The following CD276 variants were observed in gnomAD, a reference collection of about 807,000 sequenced individuals.
CD276 encodes CD276 molecule.
In CD276, 34 loss-of-function variants were observed where a neutral mutation model predicts 50.0. The observed-to-expected ratio is 0.68, with a 90% confidence interval of 0.52 to 0.91. The LOEUF is 0.91. Among genes scored for constraint, CD276 ranks in the 40% least tolerant of loss-of-function variants. The pLI is 0.00. For synonymous variants in CD276, 275 were observed against 313.0 expected (o/e 0.88, Z 1.28); for missense variants, 634 against 717.5 (o/e 0.88, Z 1.33).
At chr15:73,703,213 AAAGAT>A in intron 4 of CD276, 127 bp downstream of exon 4, 1 of 1,152,806 alleles carries the variant, frequency 8.7e-7, no homozygotes, top group Non-Finnish European at 1.2e-6. Flanking sequence ...TGATAGGGAG[AAAGAT>A]AACGGGGAGG....
Position 73,699,614 on chromosome 15 carries a change from C to A in CD276, c.-26C>A. On this transcript the variant is annotated 5_prime_UTR_variant, in exon 2 of 10. Coordinates refer to ENST00000318443, the MANE Select transcript of CD276 (RefSeq NM_001024736.2). ...GGGGCAGCCTTCCACCACGGGGAGC[C>A]CAGCTGTCAGCCGCCTCACAGGAAG... 1.2e-6 allele frequency: 2 copies of A among 1,611,918 alleles called. No individual in the cohort carries two copies. The highest frequency in any genetic ancestry group is 1.1e-5 in the South Asian group (1 of 90,650).
intron 7 of CD276, 139 bp downstream of exon 7, chr15:73,708,612 T>C (rs1297805310): frequency 1.0e-6 from 1 of 986,878 alleles, no homozygotes; most frequent in Non-Finnish European, 1.5e-6. Context: ...GATTTGTCTG[T>C]GTGTGACCTT....
chr15:73,712,773 C>T lies in CD276; in HGVS notation c.1583-161C>T, dbSNP rs184938052. ...GCATCTGTGTCTGGGCCTCCAGGGCCGTGGTCAGCACGGGGGCTGTCCGTT... is the reference window on the plus strand; with the variant it reads ...GCATCTGTGTCTGGGCCTCCAGGGCTGTGGTCAGCACGGGGGCTGTCCGTT... On this transcript the variant is annotated intron_variant, in intron 9 of 9. Coordinates refer to ENST00000318443, the MANE Select transcript of CD276 (RefSeq NM_001024736.2). Among the ~76,000 whole-genome samples, 623 of 152,314 alleles carry T rather than the reference C, an allele frequency of 4.1e-3. 6 individuals are homozygous for T. The highest frequency in any genetic ancestry group is 0.014 in the African/African-American group (593 of 41,572).
intron 1 of CD276, among the ~76,000 whole-genome samples, chr15:73,688,571 A>G (rs1899856735): frequency 1.3e-5 from 2 of 152,210 alleles, no homozygotes; most frequent in African/African-American, 4.8e-5. Flanking sequence ...GATTCCATTC[A>G]ATAAGTGAGG....
Position 73,704,264 on chromosome 15 carries a change from G to C in CD276, c.1161G>C (p.Arg387=). The C allele has an allele frequency of 6.2e-7, 1 of 1,614,150 alleles. No homozygotes were observed. The highest frequency in any genetic ancestry group is 8.5e-7 in the Non-Finnish European group (1 of 1,180,040). Reference sequence around the variant, plus strand: ...TGACCATCACGTGCTCCAGCTACCGGGGCTACCCTGAGGCTGAGGTGTTCT... The same window carrying C: ...TGACCATCACGTGCTCCAGCTACCGCGGCTACCCTGAGGCTGAGGTGTTCT... ...DTVTITCSSY[R]GYPEAEVFWQ... is the part of the protein sequence containing the mutation. Residue 387 remains arginine, a synonymous_variant, in exon 6 of 10, where the codon CGG becomes CGC. Transcript: ENST00000318443. This position sits in a 1 kb window ranked among gnomAD's most constrained non-coding sequence, Gnocchi z 4.1.
intron 1 of CD276, among the ~76,000 whole-genome samples, chr15:73,696,214 A>G (rs555315008): frequency 6.6e-6 from 1 of 152,318 alleles, no homozygotes; most frequent in African/African-American, 2.4e-5. Context: ...GACGGGTGGC[A>G]CATGCTGACT....
In CD276 at chr15:73,712,959, A is replaced by T; in HGVS notation, c.*3A>T. 1 of 1,613,782 alleles carries T rather than the reference A, an allele frequency of 6.2e-7. No individual in the cohort carries two copies. Among genetic ancestry groups the T allele is most frequent in the Non-Finnish European group, 8.5e-7 (1 of 1,179,796 alleles). ...ATGATGGACAAGAAATAGCCTGACC[A>T]TGAGGACCAGGGAGCTGCTACCCCT... On this transcript the variant is annotated 3_prime_UTR_variant, in exon 10 of 10. Coordinates refer to ENST00000318443, the MANE Select transcript of CD276 (RefSeq NM_001024736.2).
chr15:73,705,232 CGCCCTGGT>C (rs2141573703), intron 6 of CD276, among the ~76,000 whole-genome samples: 1 of 152,278 alleles, frequency 6.6e-6, no homozygotes, highest in East Asian at 1.9e-4. Context: ...CCAGGGACCT[CGCCCTGGT>C]GCACAGTGAG....
chr15:73,702,847 G>A lies in CD276; in HGVS notation c.494G>A (p.Cys165Tyr), dbSNP rs145891493. The A allele has an allele frequency of 2.4e-5, 39 of 1,614,024 alleles. No homozygotes were observed. In the African/African-American group the frequency reaches 3.9e-4, roughly 16 times the overall value. ...LRPGDTVTITCSSYQGYPEAE... is the reference protein window; with the variant it reads ...LRPGDTVTITYSSYQGYPEAE... ...CCAGGGGACACGGTGACCATCACGT[G>A]CTCCAGCTACCAGGGCTACCCTGAG... The change falls in exon 4 of 10, where the codon TGC (cysteine) becomes TAC (tyrosine). Residue 165 changes from cysteine (C) to tyrosine (Y), a missense_variant. Physicochemically the swap from Cys to Tyr is radical, Grantham distance 194. Transcript: ENST00000318443.
intron 7 of CD276, 137 bp from the exon 8 acceptor site, chr15:73,709,511 G>A (rs911116444): frequency 2.9e-5 from 23 of 801,128 alleles, no homozygotes; most frequent in South Asian, 8.8e-5. Context: ...GCTCTAACCC[G>A]TGTCTAGCAT....
intron 1 of CD276, among the ~76,000 whole-genome samples, chr15:73,692,304 C>CA (rs1169356579): frequency 1.3e-5 from 2 of 152,198 alleles, no homozygotes; most frequent in East Asian, 1.9e-4. Flanking sequence ...AAATGTGTAC[C>CA]AAAAAACTGG....
chr15:73,702,691 G>A (rs948902109), intron 3 of CD276, 81 bp from the exon 4 acceptor site: 65 of 1,558,498 alleles, frequency 4.2e-5, no homozygotes, highest in African/African-American at 3.8e-4. Flanking sequence ...CCCCAGTGCT[G>A]ATTCCTGTAC....
At chr15:73,708,572 A>G (rs1008461727) in intron 7 of CD276, 99 bp downstream of exon 7, 1 of 1,396,638 alleles carries the variant, frequency 7.2e-7, no homozygotes, top group African/African-American at 1.4e-5. Context: ...TTCTAGTGAC[A>G]GAACGAGTGT....
At chr15:73,710,823 C>T (rs1367530375) in intron 8 of CD276, among the ~76,000 whole-genome samples, 2 of 152,180 alleles carry the variant, frequency 1.3e-5, no homozygotes. Flanking sequence ...TCTCACATCA[C>T]CCTGTGTGTA....
chr15:73,703,970 A>G lies in CD276; in HGVS notation c.1045A>G (p.Ser349Gly). ...CTTCGTGAGCATCCGGGATTTCGGC[A>G]GCGCTGCCGTCAGCCTGCAGGTGGC... is the stretch of plus-strand genomic sequence containing the variant. ...TCFVSIRDFG[S>G]AAVSLQVAAP... Residue 349 changes from serine (S) to glycine (G), a missense_variant, in exon 5 of 10, where the codon AGC becomes GGC. Ser to Gly is a moderately conservative substitution (Grantham distance 56). Coordinates refer to ENST00000318443, the MANE Select transcript of CD276 (RefSeq NM_001024736.2). The G allele has an allele frequency of 6.2e-7, 1 of 1,611,054 alleles. No homozygotes were observed. Among genetic ancestry groups the G allele is most frequent in the Non-Finnish European group, 8.5e-7 (1 of 1,179,444 alleles).
chr15:73,708,576 C>A, intron 7 of CD276, 103 bp downstream of exon 7: 1 of 1,362,614 alleles, frequency 7.3e-7, no homozygotes, highest in Non-Finnish European at 1.0e-6. Flanking sequence ...AGTGACAGAA[C>A]GAGTGTGTGT....
chr15:73,704,856 C>G lies in CD276; in HGVS notation c.1369+384C>G, dbSNP rs529970578. On this transcript the variant is annotated intron_variant, in intron 6 of 9. Transcript: ENST00000318443. The surrounding 1 kb of genome is among the most constrained non-coding windows in gnomAD (Gnocchi z 4.1). Reference sequence around the variant, plus strand: ...GGTATTCTGGGTCAGTGGGCGCCATCTGATTCTGAAGCCTGAGTGACAGCT... The same window carrying G: ...GGTATTCTGGGTCAGTGGGCGCCATGTGATTCTGAAGCCTGAGTGACAGCT... Among the ~76,000 whole-genome samples the G allele has an allele frequency of 6.6e-6, 1 of 152,294 alleles. No individual in the cohort carries two copies. Among genetic ancestry groups the G allele is most frequent in the East Asian group, 1.9e-4 (1 of 5,176 alleles).
intron 9 of CD276, chr15:73,711,683 T>TG (rs1900908614): frequency 6.3e-6 from 1 of 157,730 alleles, no homozygotes. Flanking sequence ...TAGAAAAGTG[T>TG]TCAGCTGGGT....
chr15:73,685,435 T>C (rs1421306477), intron 1 of CD276, among the ~76,000 whole-genome samples: 1 of 140,748 alleles, frequency 7.1e-6, no homozygotes, highest in African/African-American at 2.7e-5. Context: ...ATTAAGCAAA[T>C]AGTAAAGCAA....
Sources: gnomAD v4.1 joint callset for allele counts (sites outside exome capture counted in the v4.1 genomes callset) on GRCh38, gnomAD v4.1.1 for gene constraint, Gnocchi (gnomAD v3.1) non-coding constraint, MANE v1.5 for transcripts, NCBI Gene and HGNC (gene_info 2026-07-23, HGNC 2026-07-21) for gene names.